ARHGEF18: variants seen among roughly 807,000 people sequenced by gnomAD.
ARHGEF18 encodes the protein rho guanine nucleotide exchange factor 18.
In ARHGEF18, 93 loss-of-function variants were observed where a neutral mutation model predicts 155.7. That is an observed-to-expected ratio of 0.60 (90% CI 0.50 to 0.71). The LOEUF is 0.71. Ranked by LOEUF, ARHGEF18 falls within the 30% of genes least tolerant of loss-of-function variation. The probability of loss-of-function intolerance (pLI) is 0.00; values close to 1 mark genes in which losing one functional copy is unlikely to be tolerated. For synonymous variants in ARHGEF18, 742 were observed against 753.1 expected, an observed-to-expected ratio of 0.99 and a Z score of 0.24; for missense variants, 1,593 against 1,816.1, an observed-to-expected ratio of 0.88 and a Z score of 2.23.
chr19:7,361,411 C>T (rs902435582), intron 1 of ARHGEF18, among the ~76,000 whole-genome samples: 4 of 152,022 alleles, frequency 2.6e-5, no homozygotes, highest in Non-Finnish European at 5.9e-5. Context: ...GCACTCCAGC[C>T]TGGGCAACAG....
intron 15 of ARHGEF18, among the ~76,000 whole-genome samples, chr19:7,448,428 A>G (rs1975138265): frequency 6.6e-6 from 1 of 152,138 alleles, no homozygotes; most frequent in African/African-American, 2.4e-5. Flanking sequence ...TTGGGAGGCC[A>G]AGGCGGGTGG....
At chr19:7,413,246 A>G (rs1972800986) in intron 10 of ARHGEF18, among the ~76,000 whole-genome samples, 1 of 152,074 alleles carries the variant, frequency 6.6e-6, no homozygotes, top group Non-Finnish European at 1.5e-5. Context: ...AGCCTGGGCA[A>G]CACGGCAAGA....
At chr19:7,384,989 C>G (rs1970925944) in intron 10 of ARHGEF18, among the ~76,000 whole-genome samples, 1 of 152,190 alleles carries the variant, frequency 6.6e-6, no homozygotes, top group African/African-American at 2.4e-5. Context: ...GCCACCTCAC[C>G]CAGCCTTTGC....
At chr19:7,450,039 C>A (rs1332171539) in intron 15 of ARHGEF18, among the ~76,000 whole-genome samples, 3 of 152,052 alleles carry the variant, frequency 2.0e-5, no homozygotes, top group Non-Finnish European at 4.4e-5. Flanking sequence ...TGTCTGTCTC[C>A]TCCAAAGTGG....
Position 7,458,669 on chromosome 19 carries a change from A to G in ARHGEF18, c.2339A>G (p.His780Arg). The change falls in exon 19 of 29, where the codon CAC (histidine) becomes CGC (arginine). Residue 780 changes from histidine to arginine, a missense_variant. Transcript: ENST00000668164. ...SKEDRNAWMAHIQRAVESCPD... is the reference protein window; with the variant it reads ...SKEDRNAWMARIQRAVESCPD... Reference sequence around the variant, plus strand: ...GAGGACAGGAACGCCTGGATGGCCCACATCCAAAGGGCTGTGGAGAGGTGA... The same window carrying G: ...GAGGACAGGAACGCCTGGATGGCCCGCATCCAAAGGGCTGTGGAGAGGTGA... The G allele has an allele frequency of 6.2e-7, 1 of 1,613,758 alleles. No homozygotes were observed. Among genetic ancestry groups the G allele is most frequent in the Non-Finnish European group, 8.5e-7 (1 of 1,179,836 alleles).
intron 10 of ARHGEF18, among the ~76,000 whole-genome samples, chr19:7,431,127 C>T (rs984402439): frequency 6.6e-6 from 1 of 152,020 alleles, no homozygotes; most frequent in African/African-American, 2.4e-5. Flanking sequence ...GTACTATAGC[C>T]AGGGCGACAG....
downstream of ARHGEF18, among the ~76,000 whole-genome samples, chr19:7,475,592 G>A (rs754264077): frequency 3.9e-5 from 6 of 152,066 alleles, no homozygotes; most frequent in South Asian, 4.1e-4. Flanking sequence ...GTGGGAGAGC[G>A]GCCTCCCTTT....
rs369095725 is a variant in ARHGEF18, at chr19:7,447,138, G to T, written c.1707G>T (p.Gln569His). 2.4e-5 allele frequency: 39 copies of T among 1,612,978 alleles called. No individual in the cohort carries two copies. The East Asian group carries it at 4.0e-4, about 17-fold the overall frequency. The change falls in exon 15 of 29, where the codon CAG becomes CAT. Residue 569 changes from glutamine to histidine, a missense_variant. Physicochemically the swap from Gln to His is conservative, Grantham distance 24. Transcript: ENST00000668164. ...EAVSHYKLLL[Q>H]QNKKFQNLIK... ...TTAGTCATTACAAGTTGCTGCTTCAGCAAAACAAGAAATTTCAAAACTTGA... is the reference window on the plus strand; with the variant it reads ...TTAGTCATTACAAGTTGCTGCTTCATCAAAACAAGAAATTTCAAAACTTGA...
chr19:7,412,307 G>A (rs559882058), intron 10 of ARHGEF18, among the ~76,000 whole-genome samples: 1 of 121,284 alleles, frequency 8.2e-6, no homozygotes, highest in South Asian at 3.4e-4. Flanking sequence ...GAGCCACCGC[G>A]CCCGGCCTAT....
chr19:7,397,739 A>G (rs1296640220), intron 10 of ARHGEF18, among the ~76,000 whole-genome samples: 1 of 151,972 alleles, frequency 6.6e-6, no homozygotes, highest in Non-Finnish European at 1.5e-5. Flanking sequence ...TCTCAAAAAA[A>G]AAAAAAAATT....
intron 10 of ARHGEF18, among the ~76,000 whole-genome samples, chr19:7,385,268 T>C (rs923255286): frequency 5.9e-5 from 9 of 152,082 alleles, no homozygotes; most frequent in Non-Finnish European, 1.3e-4. Flanking sequence ...AGCTGAACCA[T>C]GCACTTCCTT....
intron 4 of ARHGEF18, among the ~76,000 whole-genome samples, chr19:7,376,269 C>T (rs1970457710): frequency 6.6e-6 from 1 of 152,068 alleles, no homozygotes; most frequent in African/African-American, 2.4e-5. Context: ...TTGTGTCTGA[C>T]CTGAGATCCC....
intron 2 of ARHGEF18, among the ~76,000 whole-genome samples, chr19:7,368,002 G>GAGAGAGAGA (rs1970012342): frequency 2.5e-4 from 8 of 32,446 alleles, no homozygotes; most frequent in African/African-American, 1.0e-3. Flanking sequence ...AGAGAGAGAG[G>GAGAGAGAGA]GAGGGAGGGA....
chr19:7,452,973 A>C lies in ARHGEF18; in HGVS notation c.1856-494A>C, dbSNP rs539560700. Among the ~76,000 whole-genome samples the C allele has an allele frequency of 5.3e-5, 8 of 151,912 alleles. No homozygotes were observed. The South Asian group carries it at 1.5e-3, about 28-fold the overall frequency. ...CACTTTGGGAGGCTGAGGCAGGCGG[A>C]TCACTTGAAGTCAGGAGTTTGAGAC... On this transcript the variant is annotated intron_variant, in intron 16 of 28. Transcript: ENST00000668164.
intron 27 of ARHGEF18, 141 bp downstream of exon 27, chr19:7,469,272 T>C: frequency 9.0e-7 from 1 of 1,114,152 alleles, no homozygotes; most frequent in Non-Finnish European, 1.2e-6. Flanking sequence ...GCATCGTGGC[T>C]GAGGCCACCC....
intron 10 of ARHGEF18, among the ~76,000 whole-genome samples, chr19:7,439,135 G>A (rs977649523): frequency 2.0e-5 from 3 of 150,672 alleles, no homozygotes; most frequent in South Asian, 2.2e-4. Context: ...AACCCACCTC[G>A]GCCTCCCAAA....
At chr19:7,431,728 C>A (rs184132005) in intron 10 of ARHGEF18, among the ~76,000 whole-genome samples, 5 of 152,210 alleles carry the variant, frequency 3.3e-5, no homozygotes, top group Non-Finnish European at 7.4e-5. Context: ...GCAGAAGAAT[C>A]GCTTGAACCC....
intron 10 of ARHGEF18, among the ~76,000 whole-genome samples, chr19:7,404,989 TCTCA>T (rs1280849085): frequency 1.3e-5 from 2 of 151,430 alleles, no homozygotes; most frequent in Non-Finnish European, 2.9e-5. Context: ...TGAGATGGAG[TCTCA>T]CTCACCCAGG....
chr19:7,452,034 G>C (rs115954562), intron 16 of ARHGEF18, among the ~76,000 whole-genome samples: 2 of 152,030 alleles, frequency 1.3e-5, no homozygotes, highest in East Asian at 3.9e-4. Context: ...GCCTGGCCTG[G>C]GGCTTTTGAT....
Sources: gnomAD v4.1 joint callset for allele counts (sites outside exome capture counted in the v4.1 genomes callset) on GRCh38, gnomAD v4.1.1 for gene constraint, MANE v1.5 for transcripts, NCBI Gene and HGNC (gene_info 2026-07-23, HGNC 2026-07-21) for gene names.